Variants in KCND2 observed in about 807,000 individuals in gnomAD.
KCND2 encodes the protein potassium voltage-gated channel subfamily D member 2, also known as A-type voltage-gated potassium channel KCND2.
KCND2 carries 16 observed loss-of-function variants against 54.4 expected under a neutral mutation model. The ratio of observed to expected loss-of-function variants is 0.29; its 90% CI spans 0.20 to 0.45. The LOEUF (loss-of-function observed/expected upper bound fraction) is 0.45, where lower values mean the gene tolerates loss of function less well. Ranked by LOEUF, KCND2 falls within the 20% of genes least tolerant of loss-of-function variation. KCND2 has a pLI of 1.00. For missense variants in KCND2, 486 were observed against 824.2 expected, an observed-to-expected ratio of 0.59 and a Z score of 5.02; for synonymous variants, 317 against 310.7, an observed-to-expected ratio of 1.02 and a Z score of -0.21.
intron 1 of KCND2, among the ~76,000 whole-genome samples, chr7:120,643,265 G>A (rs889772669): frequency 6.6e-6 from 1 of 152,028 alleles, no homozygotes; most frequent in Non-Finnish European, 1.5e-5. Context: ...AACATAATAA[G>A]AAAAAATGTA....
chr7:120,699,701 A>G (rs973553606), intron 1 of KCND2, among the ~76,000 whole-genome samples: 3 of 152,202 alleles, frequency 2.0e-5, no homozygotes, highest in African/African-American at 7.2e-5. Context: ...TGTCAGAGAA[A>G]TGTCAAATGG....
intron 1 of KCND2, among the ~76,000 whole-genome samples, chr7:120,427,432 GT>G (rs1293196444): frequency 2.6e-5 from 4 of 152,068 alleles, no homozygotes; most frequent in African/African-American, 9.7e-5. Flanking sequence ...CGGAATAACA[GT>G]TTTTTAGTCT....
intron 1 of KCND2, among the ~76,000 whole-genome samples, chr7:120,687,082 A>C (rs1342493505): frequency 6.6e-6 from 1 of 152,088 alleles, no homozygotes; most frequent in Non-Finnish European, 1.5e-5. Flanking sequence ...ACTACCTACT[A>C]TAACACTACC....
Position 120,748,565 on chromosome 7 carries a change from G to T in KCND2, c.*707G>T, listed in dbSNP as rs116478401. On this transcript the variant is annotated 3_prime_UTR_variant, in exon 6 of 6. Coordinates refer to ENST00000331113, the MANE Select transcript of KCND2 (RefSeq NM_012281.3). Reference sequence around the variant, plus strand: ...TTCAGATAGTTCAGTATTCATTATCGTTTAACTTTGCACCTAGATACTGTT... The same window carrying T: ...TTCAGATAGTTCAGTATTCATTATCTTTTAACTTTGCACCTAGATACTGTT... 6.6e-6 allele frequency: 1 copy of T among 152,256 alleles called. No homozygotes were observed. The highest frequency in any genetic ancestry group is 2.4e-5 in the African/African-American group (1 of 41,378). The allele number at this position is 152,256 out of a possible 1,614,324, so 9.4% of individuals were successfully genotyped here.
At position 120,602,442 on chromosome 7, in the gene KCND2, T is replaced by A. The variant is rs1351258905; in HGVS notation, c.1116-130461T>A. ...TTCAATATGCCTGGACAGAGGTATA[T>A]GATGTCCAGTTTTCTATGACCCAAC... On this transcript the variant is annotated intron_variant, in intron 1 of 5. Coordinates refer to ENST00000331113, the MANE Select transcript of KCND2 (RefSeq NM_012281.3). Among the ~76,000 whole-genome samples the A allele has an allele frequency of 2.0e-5, 3 of 152,180 alleles. No individual in the cohort carries two copies. In the East Asian group the frequency reaches 5.8e-4, roughly 29 times the overall value.
chr7:120,679,443 G>A (rs1413970417), intron 1 of KCND2, among the ~76,000 whole-genome samples: 1 of 151,812 alleles, frequency 6.6e-6, no homozygotes, highest in African/African-American at 2.4e-5. Context: ...TGGCTTTGGG[G>A]GCTTCTTCCC....
At chr7:120,510,994 C>A (rs775376959) in intron 1 of KCND2, among the ~76,000 whole-genome samples, 3 of 149,850 alleles carry the variant, frequency 2.0e-5, no homozygotes, top group Non-Finnish European at 4.4e-5. Context: ...TGACTTGACA[C>A]CTTTCCCCAT....
At chr7:120,392,735 C>G (rs1223904019) in intron 1 of KCND2, among the ~76,000 whole-genome samples, 1 of 151,920 alleles carries the variant, frequency 6.6e-6, no homozygotes, top group Admixed American at 6.6e-5. Context: ...CTGCCATAAG[C>G]CATCTCTTGC....
chr7:120,502,062 C>A (rs1802944522), intron 1 of KCND2, among the ~76,000 whole-genome samples: 1 of 152,018 alleles, frequency 6.6e-6, no homozygotes, highest in South Asian at 2.1e-4. Context: ...GTCCCTAATG[C>A]CTCTTTAAAA....
chr7:120,408,395 T>A (rs553540060), intron 1 of KCND2, among the ~76,000 whole-genome samples: 41 of 151,932 alleles, frequency 2.7e-4, no homozygotes, highest in African/African-American at 8.9e-4. Flanking sequence ...GGAGCAAGAT[T>A]TTATTATAGC....
intron 1 of KCND2, among the ~76,000 whole-genome samples, chr7:120,457,674 C>T (rs570811459): frequency 9.2e-5 from 14 of 152,298 alleles, no homozygotes; most frequent in African/African-American, 1.2e-4. Context: ...CTGTCTTCTG[C>T]GCCCTCTAAG....
At chr7:120,453,381 T>C (rs1310860021) in intron 1 of KCND2, among the ~76,000 whole-genome samples, 1 of 152,134 alleles carries the variant, frequency 6.6e-6, no homozygotes. Context: ...GCCACCACAG[T>C]GAACCAGCTC....
At position 120,650,315 on chromosome 7, in the gene KCND2, C is replaced by CT. The variant is rs1791713603; in HGVS notation, c.1116-82583dup. Among the ~76,000 whole-genome samples the CT allele has an allele frequency of 2.1e-5, 3 of 142,836 alleles. 1 individual carries two copies. The highest frequency in any genetic ancestry group is 4.6e-5 in the Non-Finnish European group (3 of 65,918). 93.7% of individuals were successfully genotyped at this position (142,836 alleles called of 152,430 possible). ...TATTTCTTGGAGGCTTTGTTCATTT[C>CT]TTTTTATTCTTTTTTCTCTAAACTT... On this transcript the variant is annotated intron_variant, in intron 1 of 5. Coordinates refer to ENST00000331113, the MANE Select transcript of KCND2 (RefSeq NM_012281.3).
At chr7:120,294,959 C>T (rs745326801) in intron 1 of KCND2, among the ~76,000 whole-genome samples, 1 of 151,700 alleles carries the variant, frequency 6.6e-6, no homozygotes, top group Admixed American at 6.6e-5. Flanking sequence ...AAGGTCAGGA[C>T]GTGTATCTAA....
intron 1 of KCND2, among the ~76,000 whole-genome samples, chr7:120,384,503 C>T (rs1800959925): frequency 6.6e-6 from 1 of 152,244 alleles, no homozygotes; most frequent in Non-Finnish European, 1.5e-5. Flanking sequence ...ATAATATGTT[C>T]TGTAGTGTTA....
intron 1 of KCND2, among the ~76,000 whole-genome samples, chr7:120,690,636 CAA>C (rs1339719177): frequency 1.3e-5 from 2 of 152,156 alleles, no homozygotes; most frequent in Non-Finnish European, 2.9e-5. Flanking sequence ...AACACATTGA[CAA>C]GAGTTAGAAT....
intron 1 of KCND2, among the ~76,000 whole-genome samples, chr7:120,512,808 T>C (rs537130556): frequency 1.3e-5 from 2 of 148,786 alleles, no homozygotes; most frequent in Non-Finnish European, 3.0e-5. Flanking sequence ...TTTCTTTTTT[T>C]TTTTTTTTGG....
intron 1 of KCND2, among the ~76,000 whole-genome samples, chr7:120,374,108 A>G (rs1021471796): frequency 9.2e-5 from 14 of 151,820 alleles, no homozygotes; most frequent in East Asian, 1.9e-4. Context: ...ACAATTCCCT[A>G]TTCCAGTAGG....
Position 120,557,074 on chromosome 7 carries a change from G to A in KCND2, c.1116-175829G>A, listed in dbSNP as rs190808937. Among the ~76,000 whole-genome samples the A allele has an allele frequency of 7.0e-4, 107 of 152,130 alleles. 1 individual carries two copies. Among genetic ancestry groups the A allele is most frequent in the Non-Finnish European group, 2.1e-4 (14 of 67,988 alleles). On this transcript the variant is annotated intron_variant, in intron 1 of 5. Coordinates refer to ENST00000331113, the MANE Select transcript of KCND2 (RefSeq NM_012281.3). ...TAGTCTTTCATTTTTTCTCAATGTT[G>A]CTTACTCTAATCAATGAGAAATGCT...
Sources: allele counts gnomAD v4.1 joint callset (sites outside exome capture counted in the v4.1 genomes callset), GRCh38; gene constraint gnomAD v4.1.1; transcripts MANE v1.5; gene names NCBI Gene and HGNC (gene_info 2026-07-23, HGNC 2026-07-21).